SRFBP1: variants seen among roughly 807,000 people sequenced by gnomAD.
SRFBP1 encodes the protein serum response factor binding protein 1, also known as serum response factor-binding protein 1.
SRFBP1 carries 47 observed loss-of-function variants against 45.5 expected under a neutral mutation model. The observed-to-expected ratio is 1.03, with a 90% CI of 0.82 to 1.32. The LOEUF is 1.32. SRFBP1 is among the 40% of genes most tolerant of loss of function. SRFBP1 has a pLI of 0.00. For missense variants in SRFBP1, 621 were observed against 484.6 expected, an observed-to-expected ratio of 1.28 and a Z score of -2.64; for synonymous variants, 203 against 166.3, an observed-to-expected ratio of 1.22 and a Z score of -1.70.
intron 2 of SRFBP1, among the ~76,000 whole-genome samples, chr5:122,034,052 G>T (rs1048889494): frequency 1.3e-5 from 2 of 152,074 alleles, no homozygotes; most frequent in African/African-American, 4.8e-5. Context: ...TCGAACTCCT[G>T]ACCTCAGGTG....
In SRFBP1 at chr5:122,033,819, G is replaced by GTT. The variant is rs1240048813; in HGVS notation, n.311+11433_311+11434dup. ...GACCTTAGATATTCTTTTATTTTCAGTTTTTTTTTTTTTTTTTTTTTTGAG... is the reference window on the plus strand; with the variant it reads ...GACCTTAGATATTCTTTTATTTTCAGTTTTTTTTTTTTTTTTTTTTTTTTGAG... On this transcript the variant is annotated intron_variant and non_coding_transcript_variant, in intron 2 of 2. Transcript: ENST00000504881. Among the ~76,000 whole-genome samples the GTT allele has an allele frequency of 4.5e-3, 520 of 114,434 alleles. 7 individuals carry two copies. Among genetic ancestry groups the GTT allele is most frequent in the African/African-American group, 8.9e-3 (242 of 27,296 alleles). 75.1% of individuals were successfully genotyped at this position (114,434 alleles called of 152,430 possible). A position where few individuals can be genotyped will look rare whatever the true frequency, so the allele number is the denominator to read the frequency against.
chr5:122,026,634 A>G (rs562086135), intron 7 of SRFBP1, among the ~76,000 whole-genome samples: 51 of 152,228 alleles, frequency 3.4e-4, no homozygotes, highest in Non-Finnish European at 6.5e-4. Context: ...TTTGCCTTCC[A>G]TGCTAGTACA....
intron 2 of SRFBP1, among the ~76,000 whole-genome samples, chr5:122,038,558 C>T (rs1368115943): frequency 1.3e-5 from 2 of 152,016 alleles, no homozygotes; most frequent in African/African-American, 4.8e-5. Flanking sequence ...GCTTCCAGTC[C>T]CAAGTGATAA....
intron 7 of SRFBP1, among the ~76,000 whole-genome samples, chr5:122,024,066 G>A (rs1753418400): frequency 6.6e-6 from 1 of 152,138 alleles, no homozygotes; most frequent in Non-Finnish European, 1.5e-5. Flanking sequence ...TACTGTTTGG[G>A]AGTCAAAGGC....
intron 3 of SRFBP1, among the ~76,000 whole-genome samples, chr5:121,990,379 A>T (rs1252991552): frequency 6.6e-6 from 1 of 152,220 alleles, no homozygotes; most frequent in Non-Finnish European, 1.5e-5. Flanking sequence ...CTAATCATTG[A>T]GTACCTATGG....
At chr5:122,005,363 C>T (rs902015124) in intron 4 of SRFBP1, among the ~76,000 whole-genome samples, 22 of 152,120 alleles carry the variant, frequency 1.4e-4, no homozygotes, top group African/African-American at 3.9e-4. Context: ...GTGTTATATC[C>T]GTCTGATGAA....
At chr5:122,025,393 G>A (rs929424746) in intron 7 of SRFBP1, among the ~76,000 whole-genome samples, 2 of 152,090 alleles carry the variant, frequency 1.3e-5, no homozygotes, top group African/African-American at 4.8e-5. Context: ...CCAAGTCTTT[G>A]CTATTGTGAA....
chr5:122,036,516 G>A (rs78309288), intron 2 of SRFBP1, among the ~76,000 whole-genome samples: 3,643 of 152,210 alleles, frequency 0.024, 155 homozygotes, highest in African/African-American at 0.083. Flanking sequence ...ACGTAGTACC[G>A]ATTTGATCAG....
chr5:121,962,015 C>T lies in SRFBP1; in HGVS notation c.-18C>T, dbSNP rs189682790. ...GGTTCACGTGCAGGCAGCGGCGGAT[C>T]ATATTCCTTCATCTACCATGGCTCA... On this transcript the variant is annotated 5_prime_UTR_variant, in exon 1 of 8. Transcript: ENST00000339397. 1.2e-6 allele frequency: 2 copies of T among 1,613,972 alleles called. No homozygotes were observed. Among genetic ancestry groups the T allele is most frequent in the Admixed American group, 3.3e-5 (2 of 60,020 alleles).
chr5:121,963,024 C>T (rs1445298585), intron 1 of SRFBP1, among the ~76,000 whole-genome samples: 1 of 152,140 alleles, frequency 6.6e-6, no homozygotes, highest in Admixed American at 6.5e-5. Flanking sequence ...TTTCCAAAGG[C>T]GGCAAAATGA....
chr5:121,998,490 G>T (rs1454273952), intron 4 of SRFBP1, among the ~76,000 whole-genome samples: 2 of 126,472 alleles, frequency 1.6e-5, no homozygotes, highest in Non-Finnish European at 1.6e-5. Flanking sequence ...ACAGGAAGGG[G>T]AATATCACAC....
At chr5:121,994,814 CA>C (rs1026146533) in intron 4 of SRFBP1, 144 bp downstream of exon 4, 44 of 538,128 alleles carry the variant, frequency 8.2e-5, no homozygotes, top group African/African-American at 2.6e-4. Flanking sequence ...ACTGCCACCA[CA>C]AAAAAAATTT....
intron 2 of SRFBP1, among the ~76,000 whole-genome samples, chr5:122,043,602 C>G (rs1040883087): frequency 2.0e-5 from 3 of 152,180 alleles, no homozygotes; most frequent in African/African-American, 7.2e-5. Flanking sequence ...GTGTGTGTCA[C>G]TGATTCTTTT....
chr5:122,028,923 T>C (rs545939671), downstream of SRFBP1, among the ~76,000 whole-genome samples: 6 of 152,296 alleles, frequency 3.9e-5, no homozygotes, highest in South Asian at 4.1e-4. Flanking sequence ...AGCTGTTAGC[T>C]ATTAGATTTT....
chr5:122,013,466 G>A (rs999253998), intron 4 of SRFBP1, among the ~76,000 whole-genome samples: 1 of 151,944 alleles, frequency 6.6e-6, no homozygotes, highest in African/African-American at 2.4e-5. Context: ...TTTGACTCAT[G>A]AAAATTTTAA....
At chr5:122,039,080 C>G (rs1391882406) in intron 2 of SRFBP1, among the ~76,000 whole-genome samples, 5 of 152,172 alleles carry the variant, frequency 3.3e-5, no homozygotes, top group African/African-American at 4.8e-5. Context: ...ACTCCTGGAT[C>G]AGAGGACTTC....
At chr5:121,973,188 G>A (rs945484504) in intron 1 of SRFBP1, among the ~76,000 whole-genome samples, 3 of 151,648 alleles carry the variant, frequency 2.0e-5, no homozygotes, top group Non-Finnish European at 1.5e-5. Flanking sequence ...CTAGGAGCTT[G>A]CTGTCTATAG....
downstream of SRFBP1, chr5:122,077,091 C>G: frequency 6.5e-7 from 1 of 1,542,810 alleles, no homozygotes; most frequent in South Asian, 1.2e-5. The surrounding 1 kb of genome is among the most constrained non-coding windows in gnomAD (Gnocchi z 4.9). Context: ...TTACTCCTCA[C>G]CCTTCGCCCA....
At chr5:121,995,544 T>A (rs1752705198) in intron 4 of SRFBP1, among the ~76,000 whole-genome samples, 2 of 152,164 alleles carry the variant, frequency 1.3e-5, no homozygotes, top group Admixed American at 6.5e-5. Context: ...TAGCACTAAA[T>A]GCTGACAAGA....
Sources: gnomAD v4.1 joint callset for allele counts (sites outside exome capture counted in the v4.1 genomes callset) on GRCh38, gnomAD v4.1.1 for gene constraint, Gnocchi (gnomAD v3.1) non-coding constraint, MANE v1.5 for transcripts, NCBI Gene and HGNC (gene_info 2026-07-23, HGNC 2026-07-21) for gene names.